The following TMEM132D variants were observed in gnomAD, a reference collection of about 807,000 sequenced individuals.
TMEM132D encodes mature OL transmembrane protein.
TMEM132D carries 21 observed loss-of-function variants against 62.3 expected under a neutral mutation model. That is an observed-to-expected ratio of 0.34 (90% confidence interval 0.24 to 0.49). TMEM132D has a LOEUF of 0.49. TMEM132D is among the 20% of genes least tolerant of loss of function. The pLI is 0.99. For missense variants in TMEM132D, 1,346 were observed against 1,402.8 expected (o/e 0.96, Z 0.65); for synonymous variants, 621 against 575.6 (o/e 1.08, Z -1.13).
At chr12:129,733,450 C>T (rs1425051425) in intron 1 of TMEM132D, among the ~76,000 whole-genome samples, 1 of 152,166 alleles carries the variant, frequency 6.6e-6, no homozygotes, top group Non-Finnish European at 1.5e-5. Context: ...GTGAATGAGA[C>T]TTCAGATAAT....
intron 4 of TMEM132D, among the ~76,000 whole-genome samples, chr12:129,313,527 A>G (rs898903091): frequency 6.6e-6 from 1 of 151,282 alleles, no homozygotes; most frequent in Non-Finnish European, 1.5e-5. Flanking sequence ...GTAGTATTCC[A>G]TCACATATAT....
chr12:129,570,402 G>T (rs750133154), intron 2 of TMEM132D, among the ~76,000 whole-genome samples: 1 of 152,042 alleles, frequency 6.6e-6, no homozygotes, highest in Non-Finnish European at 1.5e-5. Flanking sequence ...ACAAGGATTC[G>T]CGTGCAGAAA....
chr12:129,506,198 A>C (rs1385035036), intron 3 of TMEM132D, among the ~76,000 whole-genome samples: 1 of 152,182 alleles, frequency 6.6e-6, no homozygotes, highest in Non-Finnish European at 1.5e-5. Context: ...TCCTTTTAGC[A>C]GTTCTTGTAG....
intron 4 of TMEM132D, among the ~76,000 whole-genome samples, chr12:129,337,044 C>A (rs1335648054): frequency 6.6e-6 from 1 of 152,184 alleles, no homozygotes; most frequent in African/African-American, 2.4e-5. Context: ...GTAACCCAAA[C>A]ACCTTTACAT....
chr12:129,250,437 T>C (rs182690998), intron 4 of TMEM132D, among the ~76,000 whole-genome samples: 3 of 152,350 alleles, frequency 2.0e-5, no homozygotes, highest in East Asian at 1.9e-4. Context: ...TTATTATTCG[T>C]GTAAATTGCG....
chr12:129,181,681 C>T (rs1878068883), intron 5 of TMEM132D, among the ~76,000 whole-genome samples: 1 of 152,142 alleles, frequency 6.6e-6, no homozygotes, highest in Non-Finnish European at 1.5e-5. Flanking sequence ...TCTTTTTTCC[C>T]TATCTGTCCT....
intron 5 of TMEM132D, among the ~76,000 whole-genome samples, chr12:129,191,024 C>T (rs1401992501): frequency 2.6e-5 from 4 of 152,076 alleles, no homozygotes; most frequent in Admixed American, 2.0e-4. Flanking sequence ...CGGCTCCAGA[C>T]GCCCCCTCCG....
intron 4 of TMEM132D, among the ~76,000 whole-genome samples, chr12:129,269,316 C>G (rs1485388761): frequency 6.7e-6 from 1 of 148,382 alleles, no homozygotes; most frequent in East Asian, 2.1e-4. Flanking sequence ...ATCCCATTAC[C>G]TGATGGTATT....
At chr12:129,158,489 G>T (rs1396498216) in intron 5 of TMEM132D, among the ~76,000 whole-genome samples, 2 of 152,260 alleles carry the variant, frequency 1.3e-5, no homozygotes. Context: ...GAACATAAAA[G>T]TGGTTTGGAA....
At position 129,405,330 on chromosome 12, in the gene TMEM132D, T is replaced by A. The variant is rs77739183; in HGVS notation, c.1116-67513A>T. 6.0e-3 allele frequency among the ~76,000 whole-genome samples: 908 copies of A among 152,288 alleles called. 17 individuals carry two copies. Among genetic ancestry groups the A allele is most frequent in the African/African-American group, 0.021 (862 of 41,554 alleles). On this transcript the variant is annotated intron_variant, in intron 3 of 8. Transcript: ENST00000422113. Reference sequence around the variant, plus strand: ...GGGTGCTAATCTCATCACGGGGCTCTACCCTCATGACCTTACCTAAATCTA... The same window carrying A: ...GGGTGCTAATCTCATCACGGGGCTCAACCCTCATGACCTTACCTAAATCTA...
chr12:129,298,790 T>A (rs901432413), intron 4 of TMEM132D, among the ~76,000 whole-genome samples: 12 of 152,212 alleles, frequency 7.9e-5, no homozygotes, highest in Non-Finnish European at 1.6e-4. Context: ...GGCCCATCTA[T>A]AGAGAGCCAA....
chr12:129,185,896 C>A (rs934789388), intron 5 of TMEM132D, among the ~76,000 whole-genome samples: 6 of 152,160 alleles, frequency 3.9e-5, no homozygotes, highest in Non-Finnish European at 4.4e-5. Flanking sequence ...CTGATACAAT[C>A]CAGAGCCCTG....
rs376232738 is a variant in TMEM132D at position 129,081,845 on chromosome 12, A to T, written c.1837T>A (p.Phe613Ile). Residue 613 changes from phenylalanine (F) to isoleucine (I), a missense_variant, in exon 7 of 9, where the codon TTC becomes ATC. Physicochemically the swap from Phe to Ile is conservative, Grantham distance 21. Coordinates refer to ENST00000422113, the MANE Select transcript of TMEM132D (RefSeq NM_133448.3). Reference sequence around the variant, plus strand: ...ATCCTGGGCTCCTCCACCTGCATGAAGTCATTTATCAGCTCCGTGATGTCC... The same window carrying T: ...ATCCTGGGCTCCTCCACCTGCATGATGTCATTTATCAGCTCCGTGATGTCC... ...QVDITELINDFMQVEEPRIAK... is the reference protein window; with the variant it reads ...QVDITELINDIMQVEEPRIAK... The T allele has an allele frequency of 1.9e-6, 3 of 1,613,828 alleles. No individual in the cohort carries two copies. The highest frequency in any genetic ancestry group is 2.5e-6 in the Non-Finnish European group (3 of 1,179,976).
intron 3 of TMEM132D, among the ~76,000 whole-genome samples, chr12:129,362,523 A>G (rs1870281047): frequency 6.6e-6 from 1 of 150,878 alleles, no homozygotes; most frequent in Admixed American, 6.7e-5. Context: ...CCACATCATG[A>G]CATTTAAAAA....
At position 129,607,688 on chromosome 12, in the gene TMEM132D, T is replaced by C. The variant is rs181934584; in HGVS notation, c.969-76483A>G. 4.9e-3 allele frequency among the ~76,000 whole-genome samples: 746 copies of C among 152,252 alleles called. 2 individuals carry two copies. Among genetic ancestry groups the C allele is most frequent in the Non-Finnish European group, 7.4e-3 (505 of 68,002 alleles). On this transcript the variant is annotated intron_variant, in intron 2 of 8. Transcript: ENST00000422113. ...ACACACTGAGTGTTCATTCAATAAATAGAATGACCGACTACAGGATGAATA... is the reference window on the plus strand; with the variant it reads ...ACACACTGAGTGTTCATTCAATAAACAGAATGACCGACTACAGGATGAATA...
intron 5 of TMEM132D, among the ~76,000 whole-genome samples, chr12:129,147,037 A>G (rs1876919581): frequency 6.6e-6 from 1 of 152,074 alleles, no homozygotes; most frequent in South Asian, 2.1e-4. Context: ...ATGATTTCAA[A>G]CCTACTGAAG....
intron 2 of TMEM132D, among the ~76,000 whole-genome samples, chr12:129,551,399 ATG>A (rs938176425): frequency 2.0e-5 from 3 of 152,190 alleles, no homozygotes; most frequent in African/African-American, 4.8e-5. Flanking sequence ...TTAGGAAGGC[ATG>A]TCTCTCTCTT....
intron 3 of TMEM132D, among the ~76,000 whole-genome samples, chr12:129,426,208 C>T (rs1201891121): frequency 6.6e-6 from 1 of 152,140 alleles, no homozygotes; most frequent in African/African-American, 2.4e-5. Context: ...CATCCCATGA[C>T]TGCCTCATGG....
intron 1 of TMEM132D, among the ~76,000 whole-genome samples, chr12:129,729,995 C>T (rs2137251234): frequency 6.6e-6 from 1 of 152,220 alleles, no homozygotes; most frequent in Non-Finnish European, 1.5e-5. Context: ...AACTCCACGG[C>T]CTATCCCAAA....
Sources: gnomAD v4.1 joint callset for allele counts (sites outside exome capture counted in the v4.1 genomes callset) on GRCh38, gnomAD v4.1.1 for gene constraint, MANE v1.5 for transcripts, NCBI Gene and HGNC (gene_info 2026-07-23, HGNC 2026-07-21) for gene names.